The following SLC35A1 variants were observed in gnomAD, a reference collection of about 807,000 sequenced individuals.
The protein encoded by SLC35A1 is CMP-sialic acid transporter.
Under a neutral mutation model 40.3 loss-of-function variants are expected in SLC35A1, and 21 were observed. The ratio of observed to expected loss-of-function variants is 0.52; its 90% CI spans 0.37 to 0.75. SLC35A1 has a LOEUF of 0.75. SLC35A1 is among the 30% of genes least tolerant of loss of function. The pLI is 0.00. For missense variants in SLC35A1, 297 were observed against 382.1 expected, an observed-to-expected ratio of 0.78 and a Z score of 1.86; for synonymous variants, 146 against 147.3, an observed-to-expected ratio of 0.99 and a Z score of 0.06.
At chr6:87,488,394 G>A (rs1430722703) in intron 2 of SLC35A1, 1 of 152,190 alleles carries the variant, frequency 6.6e-6, no homozygotes, top group Non-Finnish European at 1.5e-5. Flanking sequence ...CATGATAGGT[G>A]TGCTCTGTTT....
chr6:87,506,357 A>G (rs557824084), intron 4 of SLC35A1, 25 bp from the exon 5 acceptor site: 2 of 1,591,216 alleles, frequency 1.3e-6, no homozygotes, highest in East Asian at 2.2e-5. Context: ...GTCACTAAAA[A>G]TAACTTTAAC....
rs71018020 is a variant in SLC35A1 at position 87,477,166 on chromosome 6, G to GGTGT, written c.17-174_17-171dup. Among the ~76,000 whole-genome samples, 55,228 of 149,708 alleles carry GGTGT rather than the reference G, an allele frequency of 0.37. 10,103 individuals carry two copies. Among genetic ancestry groups the GGTGT allele is most frequent in the Admixed American group, 0.48 (7,145 of 14,984 alleles). ...TTGGCTGATGTTTAAAGTCAGCTGT[G>GGTGT]GTGTGTGTGTGTGTGTGTGTGTGTG... On this transcript the variant is annotated intron_variant, in intron 1 of 7. Transcript: ENST00000369552.
At chr6:87,485,821 C>T (rs567015204) in intron 2 of SLC35A1, among the ~76,000 whole-genome samples, 1 of 152,138 alleles carries the variant, frequency 6.6e-6, no homozygotes, top group African/African-American at 2.4e-5. Context: ...TGTATTTCCC[C>T]CATATTTCCA....
At chr6:87,480,620 G>T (rs954238616) in intron 2 of SLC35A1, among the ~76,000 whole-genome samples, 2 of 152,194 alleles carry the variant, frequency 1.3e-5, no homozygotes, top group Non-Finnish European at 2.9e-5. Context: ...AGAGCAGGGA[G>T]AACAAAGCGC....
intron 1 of SLC35A1, among the ~76,000 whole-genome samples, chr6:87,476,582 G>A (rs1203858814): frequency 6.6e-6 from 1 of 151,450 alleles, no homozygotes; most frequent in East Asian, 2.0e-4. Flanking sequence ...AAAATTAGCT[G>A]GGTGTAGTGG....
At chr6:87,492,930 G>C (rs1256270624) in intron 2 of SLC35A1, among the ~76,000 whole-genome samples, 1 of 152,256 alleles carries the variant, frequency 6.6e-6, no homozygotes, top group Non-Finnish European at 1.5e-5. Flanking sequence ...TTATTAACAA[G>C]TGTCTTTTGG....
chr6:87,478,569 T>G (rs1166708930), intron 2 of SLC35A1, among the ~76,000 whole-genome samples: 1 of 152,156 alleles, frequency 6.6e-6, no homozygotes, highest in Non-Finnish European at 1.5e-5. Context: ...TACACGACAT[T>G]GTGATTGCTT....
chr6:87,500,229 TAATCTCATTATTCAATATACTCAG>T (rs1769877978), intron 2 of SLC35A1, among the ~76,000 whole-genome samples: 1 of 152,236 alleles, frequency 6.6e-6, no homozygotes, highest in Admixed American at 6.5e-5. Flanking sequence ...ACAGTTTTCC[TAATCTCATTATTCAATATACTCAG>T]AATCTCTCAG....
At chr6:87,476,058 A>T (rs1769059995) in intron 1 of SLC35A1, among the ~76,000 whole-genome samples, 1 of 152,200 alleles carries the variant, frequency 6.6e-6, no homozygotes, top group Non-Finnish European at 1.5e-5. Flanking sequence ...ATAAGGAAGT[A>T]TGAGGGAGAC....
At chr6:87,476,014 C>T (rs1355333565) in intron 1 of SLC35A1, among the ~76,000 whole-genome samples, 3 of 129,718 alleles carry the variant, frequency 2.3e-5, no homozygotes, top group South Asian at 2.5e-4. Context: ...TAGTTTGATC[C>T]TTGGGTGATG....
chr6:87,473,049 G>T, intron 1 of SLC35A1, 30 bp downstream of exon 1: 1 of 525,820 alleles, frequency 1.9e-6, no homozygotes, highest in Middle Eastern at 3.2e-4. Context: ...GGAGTGGGGA[G>T]TCCGCGGGGG....
Position 87,511,627 on chromosome 6 carries a change from T to G in SLC35A1, c.*101T>G. ...GTAGCATAAACAAATAAAAATTAAC[T>G]GTATGGCATGATCAGTGCGGTTATG... On this transcript the variant is annotated 3_prime_UTR_variant, in exon 8 of 8. Coordinates refer to ENST00000369552, the MANE Select transcript of SLC35A1 (RefSeq NM_006416.5). 7.8e-7 allele frequency: 1 copy of G among 1,283,734 alleles called. No individual in the cohort carries two copies. The highest frequency in any genetic ancestry group is 1.1e-6 in the Non-Finnish European group (1 of 880,784). 79.5% of individuals were successfully genotyped at this position (1,283,734 alleles called of 1,614,324 possible). A position where few individuals can be genotyped will look rare whatever the true frequency, so the allele number is the denominator to read the frequency against.
At chr6:87,484,661 A>G (rs1483367367) in intron 2 of SLC35A1, among the ~76,000 whole-genome samples, 5 of 152,068 alleles carry the variant, frequency 3.3e-5, no homozygotes, top group Admixed American at 2.0e-4. Context: ...GGTAATCTGA[A>G]TGAATCAGGG....
Position 87,503,530 on chromosome 6 carries a change from G to A in SLC35A1, c.507+2220G>A, listed in dbSNP as rs913612307. ...GTTCGAGACCAGCCTGGCTAACATG[G>A]TGAAACCCCGTCTGTACTAAAAATA... On this transcript the variant is annotated intron_variant, in intron 4 of 7. Coordinates refer to ENST00000369552, the MANE Select transcript of SLC35A1 (RefSeq NM_006416.5). Among the ~76,000 whole-genome samples, 6 of 152,196 alleles carry A rather than the reference G, an allele frequency of 3.9e-5. No individual in the cohort carries two copies. In the East Asian group the frequency reaches 1.2e-3, roughly 29 times the overall value.
intron 6 of SLC35A1, 117 bp downstream of exon 6, chr6:87,508,713 G>A (rs1770164298): frequency 1.1e-6 from 1 of 924,960 alleles, no homozygotes; most frequent in African/African-American, 1.7e-5. Context: ...GTAAATACCA[G>A]TTTGAATATA....
In SLC35A1 at chr6:87,503,626, C is replaced by T. The variant is rs563449615; in HGVS notation, c.507+2316C>T. Reference sequence around the variant, plus strand: ...ACTCAGGAGGCTGAGGCAGGAGAATCGCTTGAACCTGGGAGGCAGAGGTTG... The same window carrying T: ...ACTCAGGAGGCTGAGGCAGGAGAATTGCTTGAACCTGGGAGGCAGAGGTTG... On this transcript the variant is annotated intron_variant, in intron 4 of 7. Transcript: ENST00000369552. Among the ~76,000 whole-genome samples, 15 of 152,194 alleles carry T rather than the reference C, an allele frequency of 9.9e-5. No homozygotes were observed. In the South Asian group the frequency reaches 1.9e-3, roughly 19 times the overall value.
intron 2 of SLC35A1, among the ~76,000 whole-genome samples, chr6:87,496,338 C>T (rs1769724255): frequency 6.6e-6 from 1 of 152,144 alleles, no homozygotes; most frequent in African/African-American, 2.4e-5. Context: ...GAAAATTTAA[C>T]AAGGAAGACT....
chr6:87,511,962 T>C lies in SLC35A1; in HGVS notation c.*436T>C, dbSNP rs888688088. On this transcript the variant is annotated 3_prime_UTR_variant, in exon 8 of 8. Coordinates refer to ENST00000369552, the MANE Select transcript of SLC35A1 (RefSeq NM_006416.5). The stretch of plus-strand genomic sequence containing the variant: ...ACCCCTCCTTATTCTCCAATTCATG[T>C]ACAGTATTTTGTCCTAGCAGCATAA... 2 of 228,326 alleles carry C rather than the reference T, an allele frequency of 8.8e-6. No individual in the cohort carries two copies. Among genetic ancestry groups the C allele is most frequent in the African/African-American group, 4.6e-5 (2 of 43,560 alleles). 14.1% of individuals were successfully genotyped at this position (228,326 alleles called of 1,614,324 possible).
At chr6:87,495,599 T>C (rs1172941498) in intron 2 of SLC35A1, among the ~76,000 whole-genome samples, 3 of 152,088 alleles carry the variant, frequency 2.0e-5, no homozygotes, top group African/African-American at 7.2e-5. Flanking sequence ...ATGAAGGGTA[T>C]TTTTGTCCTC....
Sources: allele counts gnomAD v4.1 joint callset (sites outside exome capture counted in the v4.1 genomes callset), GRCh38; gene constraint gnomAD v4.1.1; transcripts MANE v1.5; gene names NCBI Gene and HGNC (gene_info 2026-07-23, HGNC 2026-07-21).